The following MYH11 variants were observed in gnomAD, a reference collection of about 807,000 sequenced individuals.
MYH11 encodes the protein myosin heavy chain 11.
Under a neutral mutation model 246.6 loss-of-function variants are expected in MYH11, and 80 were observed. The observed-to-expected ratio is 0.32, with a 90% CI of 0.27 to 0.39. The LOEUF is 0.39. Among genes scored for constraint, MYH11 ranks in the 10% least tolerant of loss-of-function variants. MYH11 has a pLI of 1.00. For missense variants in MYH11, 2,158 were observed against 2,546.8 expected, an observed-to-expected ratio of 0.85 and a Z score of 3.29; for synonymous variants, 1,071 against 1,015.5, an observed-to-expected ratio of 1.05 and a Z score of -1.04.
chr16:15,740,416 T>C (rs1354554496), intron 22 of MYH11, among the ~76,000 whole-genome samples: 2 of 151,952 alleles, frequency 1.3e-5, no homozygotes, highest in East Asian at 3.9e-4. Context: ...AAGACCAGCC[T>C]GGCCAACATG....
At chr16:15,819,600 G>C (rs990357696) in intron 3 of MYH11, among the ~76,000 whole-genome samples, 2 of 152,174 alleles carry the variant, frequency 1.3e-5, no homozygotes, top group African/African-American at 2.4e-5. Flanking sequence ...ATCACCCCCA[G>C]ATGGGACCGT....
intron 3 of MYH11, among the ~76,000 whole-genome samples, chr16:15,802,015 AG>A (rs1367306013): frequency 6.6e-6 from 1 of 152,186 alleles, no homozygotes; most frequent in African/African-American, 2.4e-5. Context: ...TATTGAGAAA[AG>A]GGACAGGAGG....
In MYH11 at chr16:15,719,232, C is replaced by T. The variant is rs1156999108; in HGVS notation, c.5159G>A (p.Ser1720Asn). The change falls in exon 36 of 41, where the codon AGC becomes AAC. Residue 1720 changes from serine to asparagine, a missense_variant. Physicochemically the swap from Ser to Asn is conservative, Grantham distance 46. Around this residue, in one of 11 missense-constraint regions of MYH11, gnomAD observed 1,013 missense variants for 993.5 expected, o/e 1.02. Coordinates refer to ENST00000300036, the MANE Select transcript of MYH11 (RefSeq NM_002474.3). ...TTCAGTTTCCTACCTTCCCGACAGG[C>T]TACTGGCCAGCTCCTCTGCCAGTTC... ...KEELAEELAS[S>N]LSGRNALQDE... The T allele has an allele frequency of 5.6e-6, 9 of 1,613,638 alleles. No homozygotes were observed. The highest frequency in any genetic ancestry group is 1.3e-5 in the African/African-American group (1 of 74,932).
rs768297365 is a variant in MYH11 at position 15,717,167 on chromosome 16, A to C, written c.5477T>G (p.Leu1826Arg). 3 of 1,613,996 alleles carry C rather than the reference A, an allele frequency of 1.9e-6. No individual in the cohort carries two copies. The African/African-American group carries it at 4.0e-5, about 22-fold the overall frequency. ...IAALEAKIAQLEEQVEQEARE... is the reference protein window; with the variant it reads ...IAALEAKIAQREEQVEQEARE... ...GGCCTCCTGCTCGACCTGCTCCTCC[A>C]GCTGTGCAATCTTGGCCTCCAGCGC... is the stretch of plus-strand genomic sequence containing the variant. Residue 1826 changes from leucine to arginine, a missense_variant, in exon 38 of 41, where the codon CTG (leucine) becomes CGG (arginine). By Grantham distance (102) the Leu-to-Arg change is moderately radical. Transcript: ENST00000300036.
chr16:15,761,889 G>T (rs2041875227), intron 10 of MYH11, among the ~76,000 whole-genome samples: 2 of 152,168 alleles, frequency 1.3e-5, no homozygotes. Context: ...TGACCTAACG[G>T]ACTCCACCTT....
At chr16:15,708,969 G>A in intron 40 of MYH11, 2 of 1,004,162 alleles carry the variant, frequency 2.0e-6, no homozygotes, top group African/African-American at 3.2e-5. Context: ...TTTATTTTGA[G>A]ATAGTCTCTG....
intron 26 of MYH11, among the ~76,000 whole-genome samples, chr16:15,734,309 T>TG (rs958753309): frequency 6.6e-6 from 1 of 151,936 alleles, no homozygotes; most frequent in Non-Finnish European, 1.5e-5. Context: ...TTTTGTTTTT[T>TG]TTTGAGATGG....
At chr16:15,811,185 G>C (rs1350489586) in intron 3 of MYH11, among the ~76,000 whole-genome samples, 2 of 152,150 alleles carry the variant, frequency 1.3e-5, no homozygotes, top group African/African-American at 4.8e-5. Context: ...TACCAAGCTT[G>C]ATCTTGGACT....
intron 10 of MYH11, 58 bp downstream of exon 10, chr16:15,763,738 A>AGCTGGGGGCCCCCCCCCCC: frequency 1.4e-6 from 1 of 717,684 alleles, no homozygotes; most frequent in Non-Finnish European, 2.6e-6. Context: ...GTTAAATGTC[A>AGCTGGGGGCCCCCCCCCCC]CCTCCCCCAC....
At chr16:15,848,213 T>C (rs2044245329) in intron 1 of MYH11, among the ~76,000 whole-genome samples, 1 of 146,904 alleles carries the variant, frequency 6.8e-6, no homozygotes, top group African/African-American at 2.5e-5. Context: ...ATACTAGTAA[T>C]AATAGTTGCT....
intron 24 of MYH11, 62 bp downstream of exon 24, chr16:15,738,503 A>C: frequency 5.5e-6 from 7 of 1,282,824 alleles, no homozygotes; most frequent in South Asian, 1.3e-5. Flanking sequence ...ACAGAGCAAG[A>C]CCTCATCTCT....
At chr16:15,786,200 A>G (rs2042464254) in intron 5 of MYH11, 1 of 354,250 alleles carries the variant, frequency 2.8e-6, no homozygotes, top group Admixed American at 3.8e-5. Flanking sequence ...GTCTAGAGAT[A>G]TTTTTGGTTG....
At chr16:15,723,801 G>T (rs555595899) in intron 31 of MYH11, among the ~76,000 whole-genome samples, 2 of 152,268 alleles carry the variant, frequency 1.3e-5, no homozygotes, top group Non-Finnish European at 2.9e-5. Context: ...TAAAAGTATA[G>T]AAACTGAATT....
chr16:15,716,486 G>A (rs761574311), intron 38 of MYH11, among the ~76,000 whole-genome samples: 6 of 152,074 alleles, frequency 3.9e-5, no homozygotes, highest in Non-Finnish European at 8.8e-5. Flanking sequence ...GTACCAAATG[G>A]GCTGCCGGTT....
chr16:15,774,620 C>G (rs955917355), intron 8 of MYH11, among the ~76,000 whole-genome samples: 3 of 152,218 alleles, frequency 2.0e-5, no homozygotes, highest in Admixed American at 1.3e-4. Flanking sequence ...GACAGAGTCT[C>G]ACTCTATCGC....
intron 4 of MYH11, among the ~76,000 whole-genome samples, chr16:15,794,430 C>G (rs2042695042): frequency 6.6e-6 from 1 of 152,226 alleles, no homozygotes; most frequent in Admixed American, 6.5e-5. Context: ...TGGTTCTGGG[C>G]TGACTGGATG....
chr16:15,798,634 A>AAAAGAAGAAAAAGCAGTT, intron 4 of MYH11, 26 bp downstream of exon 4: 1 of 1,550,790 alleles, frequency 6.4e-7, no homozygotes, highest in Non-Finnish European at 8.7e-7. Flanking sequence ...CAAAAAAAAA[A>AAAAGAAGAAAAAGCAGTT]CAGAAGAAAA....
At position 15,715,089 on chromosome 16, in the gene MYH11, G is replaced by A. The variant is rs376174444; in HGVS notation, c.5614-8C>T. 3.2e-5 allele frequency: 51 copies of A among 1,612,536 alleles called. No individual in the cohort carries two copies. The highest frequency in any genetic ancestry group is 1.8e-4 in the East Asian group (8 of 44,870). The stretch of plus-strand genomic sequence containing the variant: ...GGCATTGCCTTTCTCTGCCTGTCGC[G>A]GAGAGTTGGAGGGGTGGTTAGGGGA... On this transcript the variant is annotated splice_region_variant and splice_polypyrimidine_tract_variant and intron_variant, in intron 39 of 40. Transcript: ENST00000300036.
chr16:15,818,411 T>C (rs1211625218), intron 3 of MYH11, among the ~76,000 whole-genome samples: 1 of 152,138 alleles, frequency 6.6e-6, no homozygotes. Flanking sequence ...TCTCCATTAT[T>C]TTTGACATTC....
Sources: allele counts gnomAD v4.1 joint callset (sites outside exome capture counted in the v4.1 genomes callset), GRCh38; gene constraint gnomAD v4.1.1; regional missense constraint gnomAD v4.1.1; transcripts MANE v1.5; gene names NCBI Gene and HGNC (gene_info 2026-07-23, HGNC 2026-07-21).